CEP15: variants seen among roughly 807,000 people sequenced by gnomAD.
The protein encoded by CEP15 is centrosomal protein 15, also known as centrosomal protein 15 kDa.
the CEP15 span, chr3:62,336,186 A>G: frequency 6.6e-6 from 1 of 152,138 alleles, no homozygotes; most frequent in South Asian, 2.1e-4. This position sits in a 1 kb window ranked among gnomAD's most constrained non-coding sequence, Gnocchi z 4.4. Flanking sequence ...ATTTATTTTG[A>G]ATCAAAATTA....
the CEP15 span, among the ~76,000 whole-genome samples, chr3:62,331,004 C>G: frequency 2.0e-5 from 3 of 151,984 alleles, no homozygotes; most frequent in Non-Finnish European, 4.4e-5. Flanking sequence ...GATGTAAGAG[C>G]TAAATTAATG....
chr3:62,332,475 G>GT, the CEP15 span, among the ~76,000 whole-genome samples: 1 of 151,968 alleles, frequency 6.6e-6, no homozygotes, highest in Non-Finnish European at 1.5e-5. Flanking sequence ...TCTAATATCA[G>GT]TTGCCCTCCT....
chr3:62,320,099 G>A, the CEP15 span, among the ~76,000 whole-genome samples: 1 of 152,204 alleles, frequency 6.6e-6, no homozygotes, highest in Non-Finnish European at 1.5e-5. Flanking sequence ...ATGCATAAGG[G>A]ATGGTGTTCC....
At chr3:62,320,432 CTT>C in the CEP15 span, 1 of 1,563,520 alleles carries the variant, frequency 6.4e-7, no homozygotes, top group East Asian at 2.3e-5. Context: ...GTAGAAGTAA[CTT>C]TAAATGTTTT....
At chr3:62,320,352 T>G in the CEP15 span, 1 of 723,672 alleles carries the variant, frequency 1.4e-6, no homozygotes, top group Non-Finnish European at 2.2e-6. Context: ...TAAGTTTTCT[T>G]TTCTCTTCTG....
At chr3:62,333,428 G>C in the CEP15 span, 1 of 1,597,172 alleles carries the variant, frequency 6.3e-7, no homozygotes, top group Non-Finnish European at 8.5e-7. This position sits in a 1 kb window ranked among gnomAD's most constrained non-coding sequence, Gnocchi z 4.0. Context: ...GTTTAATAAA[G>C]CTGAATGTTA....
At chr3:62,334,129 G>A in the CEP15 span, 1 of 150,958 alleles carries the variant, frequency 6.6e-6, no homozygotes, top group Non-Finnish European at 1.5e-5. This position sits in a 1 kb window ranked among gnomAD's most constrained non-coding sequence, Gnocchi z 4.9. Context: ...TCCCCTTCCC[G>A]CTTCCTTCTA....
At chr3:62,328,680 A>C in the CEP15 span, among the ~76,000 whole-genome samples, 3 of 152,068 alleles carry the variant, frequency 2.0e-5, no homozygotes, top group African/African-American at 7.2e-5. Flanking sequence ...TTTTAAAAAA[A>C]GTTTTGGTTT....
At chr3:62,336,005 G>A in the CEP15 span, 129 of 152,244 alleles carry the variant, frequency 8.5e-4, 1 homozygote, top group African/African-American at 3.0e-3. The surrounding 1 kb of genome is among the most constrained non-coding windows in gnomAD (Gnocchi z 4.4). Context: ...GTAGGGAGCA[G>A]TGTGAATGAA....
chr3:62,327,396 T>C, the CEP15 span, among the ~76,000 whole-genome samples: 8 of 152,224 alleles, frequency 5.3e-5, no homozygotes, highest in Non-Finnish European at 1.2e-4. Context: ...ATATTCTTTT[T>C]CTTACTAAGC....
chr3:62,330,008 C>A, the CEP15 span, among the ~76,000 whole-genome samples: 1 of 152,120 alleles, frequency 6.6e-6, no homozygotes, highest in African/African-American at 2.4e-5. Context: ...TATTAACTTC[C>A]GGTATGGGAT....
chr3:62,320,352 TTTCTC>T, the CEP15 span: 651 of 723,660 alleles, frequency 9.0e-4, 9 homozygotes, highest in South Asian at 9.5e-3. Context: ...TAAGTTTTCT[TTTCTC>T]TTCTGAGAGA....
At chr3:62,327,647 T>C in the CEP15 span, among the ~76,000 whole-genome samples, 1 of 152,358 alleles carries the variant, frequency 6.6e-6, no homozygotes, top group South Asian at 2.1e-4. Flanking sequence ...CAAATTCTTT[T>C]ATTCCTTCTC....
chr3:62,320,612 T>A, the CEP15 span: 1 of 969,292 alleles, frequency 1.0e-6, no homozygotes, highest in South Asian at 1.5e-5. Context: ...ACTTAAAAAT[T>A]TGCAAGCATG....
chr3:62,325,202 T>C, the CEP15 span, among the ~76,000 whole-genome samples: 2 of 152,196 alleles, frequency 1.3e-5, no homozygotes, highest in South Asian at 4.1e-4. Flanking sequence ...GCCTTAATCC[T>C]GACTAGGAAG....
At chr3:62,330,352 C>T in the CEP15 span, among the ~76,000 whole-genome samples, 1 of 152,072 alleles carries the variant, frequency 6.6e-6, no homozygotes, top group South Asian at 2.1e-4. Context: ...TCACTAAGCT[C>T]AAAAGAGAGA....
chr3:62,333,705 C>T, the CEP15 span: 3 of 184,398 alleles, frequency 1.6e-5, no homozygotes, highest in African/African-American at 7.2e-5. The surrounding 1 kb of genome is among the most constrained non-coding windows in gnomAD (Gnocchi z 4.0). Flanking sequence ...AATCATTCTC[C>T]TCTAAGCAGG....
At chr3:62,334,466 T>C in the CEP15 span, 5 of 152,106 alleles carry the variant, frequency 3.3e-5, no homozygotes, top group African/African-American at 7.2e-5. The surrounding 1 kb of genome is among the most constrained non-coding windows in gnomAD (Gnocchi z 4.9). Flanking sequence ...CTTGGAAATA[T>C]CCTGTTGAGT....
the CEP15 span, among the ~76,000 whole-genome samples, chr3:62,329,238 G>T: frequency 6.6e-6 from 1 of 152,114 alleles, no homozygotes; most frequent in Admixed American, 6.5e-5. Flanking sequence ...TAAAGATAGA[G>T]TATAGAGCAT....
Sources: gnomAD v4.1 joint callset for allele counts (sites outside exome capture counted in the v4.1 genomes callset) on GRCh38, gnomAD v4.1.1 for gene constraint, Gnocchi (gnomAD v3.1) non-coding constraint, MANE v1.5 for transcripts, NCBI Gene and HGNC (gene_info 2026-07-23, HGNC 2026-07-21) for gene names.